The following KLF8 variants were observed in gnomAD, a reference collection of about 807,000 sequenced individuals.
KLF8 encodes Krueppel-like factor 8.
Under a neutral mutation model 18.2 loss-of-function variants are expected in KLF8, and 10 were observed. The observed-to-expected ratio is 0.55, with a 90% CI of 0.34 to 0.93. The LOEUF is 0.93. Among genes scored for constraint, KLF8 ranks in the 40% least tolerant of loss-of-function variants. The pLI, the probability that KLF8 is intolerant of heterozygous loss-of-function variation, is 0.02. For synonymous variants in KLF8, 109 were observed against 97.3 expected (o/e 1.12, Z -0.71); for missense variants, 264 against 277.9 (o/e 0.95, Z 0.36).
the KLF8 span, among the ~76,000 whole-genome samples, chrX:56,187,895 T>A: frequency 8.9e-6 from 1 of 111,922 alleles, no homozygotes; most frequent in Non-Finnish European, 1.9e-5. Context: ...GTGCTATCTA[T>A]GACAAATCCA....
chrX:55,944,194 G>A, the KLF8 span, among the ~76,000 whole-genome samples: 1 of 108,974 alleles, frequency 9.2e-6, no homozygotes, highest in Non-Finnish European at 1.9e-5. Flanking sequence ...CTTGATCATG[G>A]TGGATAAGCT....
At chrX:55,948,063 T>C in the KLF8 span, among the ~76,000 whole-genome samples, 7 of 112,156 alleles carry the variant, frequency 6.2e-5, no homozygotes, top group African/African-American at 1.9e-4. Flanking sequence ...AGTTGGGAAG[T>C]ATAGCTCATA....
chrX:56,235,949 A>G (rs775589191), intron 1 of KLF8, among the ~76,000 whole-genome samples: 51 of 112,170 alleles, frequency 4.5e-4, no homozygotes, highest in Non-Finnish European at 6.9e-4. Flanking sequence ...AGTGGAATGT[A>G]GATTAGTGGA....
At chrX:56,185,020 C>T in the KLF8 span, among the ~76,000 whole-genome samples, 105 of 112,629 alleles carry the variant, frequency 9.3e-4, no homozygotes, top group African/African-American at 2.7e-3. Flanking sequence ...AAAAGCTGGA[C>T]GGAGAATGAT....
At chrX:56,064,054 T>C in the KLF8 span, among the ~76,000 whole-genome samples, 1 of 107,802 alleles carries the variant, frequency 9.3e-6, no homozygotes, top group East Asian at 2.9e-4. Context: ...TGTATGTGTA[T>C]ATATATGTAT....
At chrX:56,108,623 A>G in the KLF8 span, among the ~76,000 whole-genome samples, 1 of 110,772 alleles carries the variant, frequency 9.0e-6, no homozygotes, top group African/African-American at 3.3e-5. Flanking sequence ...AATGTTGTTG[A>G]TCTTTTATAT....
intron 1 of KLF8, chrX:56,243,218 C>T (rs750837898): frequency 2.4e-4 from 111 of 469,126 alleles, no homozygotes; most frequent in Non-Finnish European, 2.4e-4. Flanking sequence ...GGGGGCACTC[C>T]TCCGAGGATA....
intron 3 of KLF8, chrX:56,268,273 C>A (rs1758412001): frequency 9.0e-6 from 1 of 111,687 alleles, no homozygotes; most frequent in Admixed American, 9.6e-5. Context: ...AACAGGGATG[C>A]AGTTATCTTT....
At chrX:56,178,853 T>C in the KLF8 span, among the ~76,000 whole-genome samples, 1 of 112,324 alleles carries the variant, frequency 8.9e-6, no homozygotes, top group South Asian at 3.7e-4. Flanking sequence ...ATGTCTGTTT[T>C]GGTACCAGTA....
At chrX:56,267,234 A>C (rs2066984294) in intron 3 of KLF8, 1 of 744,183 alleles carries the variant, frequency 1.3e-6, no homozygotes, top group African/African-American at 2.3e-5. Flanking sequence ...TGTCTGTATT[A>C]GTTCGTTTTC....
the KLF8 span, among the ~76,000 whole-genome samples, chrX:56,080,404 T>A: frequency 2.0e-4 from 22 of 111,235 alleles, no homozygotes; most frequent in South Asian, 3.8e-4. Context: ...TCCTTCACTT[T>A]TGAAGCTTAG....
At chrX:55,926,682 A>G in the KLF8 span, among the ~76,000 whole-genome samples, 1 of 111,114 alleles carries the variant, frequency 9.0e-6, no homozygotes. Context: ...CCTGCTGTTA[A>G]TGTAGTCAGG....
chrX:56,133,837 G>A, the KLF8 span, among the ~76,000 whole-genome samples: 1 of 110,686 alleles, frequency 9.0e-6, no homozygotes, highest in African/African-American at 3.3e-5. Context: ...CTAAATTAAT[G>A]TACAGAAATT....
chrX:56,010,904 A>T, the KLF8 span, among the ~76,000 whole-genome samples: 26 of 112,586 alleles, frequency 2.3e-4, no homozygotes, highest in African/African-American at 7.7e-4. Flanking sequence ...AAAGGGATCA[A>T]TTCAACAAGA....
the KLF8 span, among the ~76,000 whole-genome samples, chrX:56,130,095 C>T: frequency 8.2e-5 from 9 of 110,282 alleles, no homozygotes; most frequent in African/African-American, 3.0e-4. Flanking sequence ...GCCATATTAT[C>T]TTGGGAGTTC....
the KLF8 span, among the ~76,000 whole-genome samples, chrX:55,949,737 G>A: frequency 9.2e-6 from 1 of 108,829 alleles, no homozygotes; most frequent in Non-Finnish European, 1.9e-5. Context: ...GTTGCAGTGA[G>A]CCAAGATTGC....
the KLF8 span, among the ~76,000 whole-genome samples, chrX:56,129,017 G>T: frequency 1.8e-5 from 2 of 112,005 alleles, no homozygotes; most frequent in Non-Finnish European, 3.8e-5. Flanking sequence ...CTTATACCAG[G>T]TTACACTTTG....
At chrX:56,126,247 G>T in the KLF8 span, among the ~76,000 whole-genome samples, 2 of 111,380 alleles carry the variant, frequency 1.8e-5, no homozygotes, top group Admixed American at 1.9e-4. Context: ...ATTCATCACT[G>T]TGTCCATATA....
chrX:56,025,061 G>T, the KLF8 span, among the ~76,000 whole-genome samples: 1 of 112,483 alleles, frequency 8.9e-6, no homozygotes, highest in Non-Finnish European at 1.9e-5. Flanking sequence ...AACTGGGTCC[G>T]TAGGGACTAA....
Sources: allele counts gnomAD v4.1 joint callset (sites outside exome capture counted in the v4.1 genomes callset), GRCh38; gene constraint gnomAD v4.1.1; transcripts MANE v1.5; gene names NCBI Gene and HGNC (gene_info 2026-07-23, HGNC 2026-07-21).